Variants in MRPS28 observed in about 807,000 individuals in gnomAD.
MRPS28 encodes the protein mitochondrial ribosomal protein S28.
Under a neutral mutation model 10.8 loss-of-function variants are expected in MRPS28, and 7 were observed. The observed-to-expected ratio is 0.65, with a 90% CI of 0.37 to 1.22. The LOEUF (loss-of-function observed/expected upper bound fraction) is 1.22, where lower values mean the gene tolerates loss of function less well. MRPS28 is among the 50% of genes most tolerant of loss of function. MRPS28 has a pLI of 0.02. For synonymous variants in MRPS28, 121 were observed against 93.3 expected (o/e 1.30, Z -1.71); for missense variants, 265 against 232.9 (o/e 1.14, Z -0.90).
At chr8:80,007,395 C>T (rs1028767454) in intron 1 of MRPS28, among the ~76,000 whole-genome samples, 1 of 152,188 alleles carries the variant, frequency 6.6e-6, no homozygotes, top group African/African-American at 2.4e-5. Flanking sequence ...CACTCTTATT[C>T]AACACAGTGT....
intron 2 of MRPS28, among the ~76,000 whole-genome samples, chr8:79,943,145 C>T (rs1806813488): frequency 1.3e-5 from 2 of 152,216 alleles, no homozygotes; most frequent in South Asian, 4.1e-4. Flanking sequence ...GCAAACCATG[C>T]CAATCCTACA....
intron 1 of MRPS28, among the ~76,000 whole-genome samples, chr8:80,027,944 T>C (rs952966967): frequency 1.3e-5 from 2 of 151,542 alleles, no homozygotes; most frequent in Non-Finnish European, 2.9e-5. Context: ...ACTGAGAAAA[T>C]CTAACGGATG....
At chr8:80,023,221 C>T (rs1394387794) in intron 1 of MRPS28, among the ~76,000 whole-genome samples, 1 of 152,170 alleles carries the variant, frequency 6.6e-6, no homozygotes, top group African/African-American at 2.4e-5. Flanking sequence ...AAACCAGAAA[C>T]ATTTTCCATC....
intron 2 of MRPS28, among the ~76,000 whole-genome samples, chr8:79,959,453 T>C (rs1035663937): frequency 3.0e-4 from 45 of 152,162 alleles, no homozygotes; most frequent in Non-Finnish European, 1.2e-4. Context: ...AGATTCTATG[T>C]TATATATCTG....
chr8:79,958,263 T>G, intron 2 of MRPS28: 1 of 634,316 alleles, frequency 1.6e-6, no homozygotes, highest in South Asian at 1.9e-5. Flanking sequence ...ATACAATATA[T>G]GATCTTTTGT....
At chr8:80,030,000 A>G (rs1260691573) in intron 1 of MRPS28, 36 bp downstream of exon 1, 4 of 1,599,008 alleles carry the variant, frequency 2.5e-6, no homozygotes, top group Non-Finnish European at 3.4e-6. Context: ...CGTTGGCGTA[A>G]TTCCCGCGAC....
Position 79,977,810 on chromosome 8 carries a change from G to A in MRPS28, c.395+25189C>T, listed in dbSNP as rs866076482. ...ACAGCCTGGGTGACAGAGTGAGACT[G>A]TCTCAAATAATAATAATAATAATAA... is the stretch of plus-strand genomic sequence containing the variant. On this transcript the variant is annotated intron_variant, in intron 2 of 2. Transcript: ENST00000276585. Among the ~76,000 whole-genome samples, 26 of 149,634 alleles carry A rather than the reference G, an allele frequency of 1.7e-4. No homozygotes were observed. In the South Asian group the frequency reaches 4.5e-3, roughly 26 times the overall value.
chr8:79,946,132 A>G (rs566909401), intron 2 of MRPS28, among the ~76,000 whole-genome samples: 2 of 152,222 alleles, frequency 1.3e-5, no homozygotes, highest in Admixed American at 6.5e-5. Context: ...TACCAATTCC[A>G]TTGCTTACTA....
At chr8:79,988,105 A>G (rs1808246644) in intron 2 of MRPS28, among the ~76,000 whole-genome samples, 1 of 152,000 alleles carries the variant, frequency 6.6e-6, no homozygotes, top group Non-Finnish European at 1.5e-5. Context: ...AAAAATGATG[A>G]GTTCATGTCC....
In MRPS28 at chr8:80,002,990, T is replaced by A. The variant is rs763414263; in HGVS notation, c.395+9A>T. 4.5e-6 allele frequency: 7 copies of A among 1,550,746 alleles called. No individual in the cohort carries two copies. Among genetic ancestry groups the A allele is most frequent in the Non-Finnish European group, 6.1e-6 (7 of 1,152,868 alleles). ...TACTCTTAAGGTACTTGGAAATGAT[T>A]TTACTTACTCTCCATCCACTTCTGG... On this transcript the variant is annotated intron_variant, in intron 2 of 2. Coordinates refer to ENST00000276585, the MANE Select transcript of MRPS28 (RefSeq NM_014018.3).
At chr8:80,028,572 T>G (rs982240524) in intron 1 of MRPS28, 1 of 145,650 alleles carries the variant, frequency 6.9e-6, no homozygotes, top group Non-Finnish European at 1.5e-5. Flanking sequence ...GAATTAAGAT[T>G]GCTAATCAGC....
At chr8:80,026,981 C>A (rs1293461016) in intron 1 of MRPS28, among the ~76,000 whole-genome samples, 4 of 152,084 alleles carry the variant, frequency 2.6e-5, no homozygotes, top group Non-Finnish European at 5.9e-5. Flanking sequence ...ACAGACATAT[C>A]CCATACCCCT....
intron 2 of MRPS28, among the ~76,000 whole-genome samples, chr8:79,949,571 G>A (rs1206789064): frequency 6.6e-6 from 1 of 152,046 alleles, no homozygotes; most frequent in African/African-American, 2.4e-5. Context: ...CAAACTACAA[G>A]AACTTGCATT....
chr8:80,025,014 T>C (rs927136493), intron 1 of MRPS28, among the ~76,000 whole-genome samples: 1 of 152,156 alleles, frequency 6.6e-6, no homozygotes. Flanking sequence ...GGGTAAAAGG[T>C]AAAGAAATAA....
At chr8:79,991,487 G>A (rs1040646279) in intron 2 of MRPS28, among the ~76,000 whole-genome samples, 1 of 152,128 alleles carries the variant, frequency 6.6e-6, no homozygotes, top group African/African-American at 2.4e-5. Flanking sequence ...TAAGTAAGGA[G>A]ACAAGAATTT....
At chr8:79,960,723 T>G (rs1807354161) in intron 2 of MRPS28, among the ~76,000 whole-genome samples, 1 of 152,028 alleles carries the variant, frequency 6.6e-6, no homozygotes, top group East Asian at 1.9e-4. Context: ...AATTTTCCAT[T>G]AAAAGAAAAA....
At chr8:80,014,621 T>C (rs1004274958) in intron 1 of MRPS28, among the ~76,000 whole-genome samples, 2 of 152,226 alleles carry the variant, frequency 1.3e-5, no homozygotes, top group African/African-American at 4.8e-5. Context: ...TTTGTAATTA[T>C]ATCTATCTAT....
intron 1 of MRPS28, among the ~76,000 whole-genome samples, chr8:80,015,993 A>G (rs1266199946): frequency 6.6e-6 from 1 of 152,174 alleles, no homozygotes; most frequent in African/African-American, 2.4e-5. Context: ...CAAAACTGAA[A>G]AGCAAAGAGA....
intron 2 of MRPS28, among the ~76,000 whole-genome samples, chr8:79,949,918 C>T (rs954654028): frequency 2.0e-5 from 3 of 152,120 alleles, no homozygotes; most frequent in Admixed American, 2.0e-4. Flanking sequence ...GTTTTCGTTA[C>T]TTTAAATAAA....
Sources: gnomAD v4.1 joint callset for allele counts (sites outside exome capture counted in the v4.1 genomes callset) on GRCh38, gnomAD v4.1.1 for gene constraint, MANE v1.5 for transcripts, NCBI Gene and HGNC (gene_info 2026-07-23, HGNC 2026-07-21) for gene names.